FRMPD1: variants seen among roughly 807,000 people sequenced by gnomAD.
FRMPD1 encodes the protein FERM and PDZ domain containing 1, also known as FERM and PDZ domain-containing protein 1.
Under a neutral mutation model 117.8 loss-of-function variants are expected in FRMPD1, and 76 were observed. The ratio of observed to expected loss-of-function variants is 0.65; its 90% CI spans 0.54 to 0.78. The LOEUF is 0.78. FRMPD1 is among the 30% of genes least tolerant of loss of function. The pLI is 0.00. For missense variants in FRMPD1, 1,786 were observed against 1,964.5 expected (o/e 0.91, Z 1.72); for synonymous variants, 783 against 770.4 (o/e 1.02, Z -0.27).
intron 1 of FRMPD1, among the ~76,000 whole-genome samples, chr9:37,676,547 C>T (rs544425599): frequency 7.9e-5 from 12 of 152,168 alleles, no homozygotes; most frequent in Non-Finnish European, 1.8e-4. Flanking sequence ...TGGCTGCCAC[C>T]TCCTAACAGC....
intron 1 of FRMPD1, among the ~76,000 whole-genome samples, chr9:37,676,411 C>G (rs1024099064): frequency 3.9e-5 from 6 of 152,114 alleles, no homozygotes; most frequent in Admixed American, 1.3e-4. Flanking sequence ...CACTTCTCTA[C>G]TGAGGTTAGG....
At chr9:37,659,164 C>G (rs111747658) in intron 1 of FRMPD1, among the ~76,000 whole-genome samples, 34 of 152,322 alleles carry the variant, frequency 2.2e-4, no homozygotes, top group Admixed American at 7.8e-4. Context: ...CTACATCCAG[C>G]CAAGACTTGG....
In FRMPD1 at chr9:37,737,245, T is replaced by TGA. The variant is rs767040162; in HGVS notation, c.1549+4_1549+5dup. 4 of 1,613,986 alleles carry TGA rather than the reference T, an allele frequency of 2.5e-6. No individual in the cohort carries two copies. In the Admixed American group the frequency reaches 6.7e-5, roughly 27 times the overall value. On this transcript the variant is annotated splice_region_variant and intron_variant, in intron 14 of 15. Coordinates refer to ENST00000377765, the MANE Select transcript of FRMPD1 (RefSeq NM_014907.3). ...CGCACCGGGTATCTGCAGAAGAAGG[T>TGA]GAGGCACTGAGTCTTGCCCCAATAA...
Position 37,746,588 on chromosome 9 carries a change from A to C in FRMPD1, c.4556A>C (p.Glu1519Ala), listed in dbSNP as rs140778637. ...DCSRCSARHREAAGNLRDVVY... is the reference protein window; with the variant it reads ...DCSRCSARHRAAAGNLRDVVY... The stretch of plus-strand genomic sequence containing the variant: ...AGCCGCTGCTCCGCCCGGCACAGGG[A>C]GGCAGCGGGGAACCTGAGGGATGTG... The change falls in exon 16 of 16, where the codon GAG (glutamate) becomes GCG (alanine). Residue 1519 changes from glutamate (E) to alanine (A), a missense_variant. Coordinates refer to ENST00000377765, the MANE Select transcript of FRMPD1 (RefSeq NM_014907.3). 1.4e-3 allele frequency: 2,262 copies of C among 1,613,894 alleles called. 12 individuals carry two copies. Among genetic ancestry groups the C allele is most frequent in the African/African-American group, 6.0e-3 (449 of 75,058 alleles).
chr9:37,651,804 G>T (rs1343533159), intron 1 of FRMPD1, among the ~76,000 whole-genome samples: 1 of 152,240 alleles, frequency 6.6e-6, no homozygotes, highest in African/African-American at 2.4e-5. Context: ...ATAAAATAGG[G>T]TGGAAGTCGT....
chr9:37,745,502 T>C lies in FRMPD1; in HGVS notation c.3470T>C (p.Ile1157Thr), dbSNP rs1824658498. The C allele has an allele frequency of 2.5e-6, 4 of 1,613,958 alleles. No homozygotes were observed. Among genetic ancestry groups the C allele is most frequent in the East Asian group, 2.2e-5 (1 of 44,898 alleles). The change falls in exon 16 of 16, where the codon ATA becomes ACA. Residue 1157 changes from isoleucine to threonine, a missense_variant. Ile to Thr is a moderately conservative substitution (Grantham distance 89). Transcript: ENST00000377765. ...GATATTAGCTCTCCAGCTGGTAAAA[T>C]AGTAACCTCCCTTTCTTTAGATGCT... ...TLDISSPAGK[I>T]VTSLSLDAPV... is the part of the protein sequence containing the mutation.
the FRMPD1 span, among the ~76,000 whole-genome samples, chr9:37,633,031 A>ATTTT: frequency 6.9e-6 from 1 of 145,754 alleles, no homozygotes; most frequent in African/African-American, 2.5e-5. Flanking sequence ...ATATATATAT[A>ATTTT]TTTTTCTTTT....
At chr9:37,712,969 C>G (rs1203864848) in intron 5 of FRMPD1, among the ~76,000 whole-genome samples, 1 of 151,880 alleles carries the variant, frequency 6.6e-6, no homozygotes, top group Non-Finnish European at 1.5e-5. Context: ...GTGGAGGAAA[C>G]TAGACTATTA....
the FRMPD1 span, among the ~76,000 whole-genome samples, chr9:37,619,931 A>C: frequency 7.4e-5 from 11 of 148,932 alleles, no homozygotes; most frequent in Non-Finnish European, 1.6e-4. Context: ...AAAAAAAAAA[A>C]CCTGTATTCC....
chr9:37,686,363 G>C (rs1032273546), intron 1 of FRMPD1, among the ~76,000 whole-genome samples: 1 of 152,196 alleles, frequency 6.6e-6, no homozygotes. Context: ...CAATAAGATG[G>C]GTCCAACAGG....
the FRMPD1 span, among the ~76,000 whole-genome samples, chr9:37,628,361 A>G: frequency 6.6e-6 from 1 of 152,222 alleles, no homozygotes; most frequent in African/African-American, 2.4e-5. Context: ...GACTCAGGAC[A>G]AAAGAGAACT....
chr9:37,721,092 A>G (rs1347889776), intron 6 of FRMPD1, among the ~76,000 whole-genome samples: 1 of 152,180 alleles, frequency 6.6e-6, no homozygotes, highest in Non-Finnish European at 1.5e-5. Context: ...GATAAGAACA[A>G]CTTTCACCTG....
chr9:37,649,394 G>A (rs1820599064), upstream of FRMPD1, among the ~76,000 whole-genome samples: 1 of 152,092 alleles, frequency 6.6e-6, no homozygotes, highest in Non-Finnish European at 1.5e-5. Flanking sequence ...CTGTCTCCTG[G>A]GGCAGAACTT....
chr9:37,741,883 G>A (rs911950941), intron 15 of FRMPD1, among the ~76,000 whole-genome samples: 6 of 152,170 alleles, frequency 3.9e-5, no homozygotes, highest in Non-Finnish European at 7.3e-5. Flanking sequence ...ATCAGATTCC[G>A]GTTGGAATTC....
At chr9:37,626,517 A>T in the FRMPD1 span, among the ~76,000 whole-genome samples, 1 of 148,820 alleles carries the variant, frequency 6.7e-6, no homozygotes, top group Non-Finnish European at 1.5e-5. Flanking sequence ...AAAAAAAAAA[A>T]AAAATTAAAT....
intron 13 of FRMPD1, among the ~76,000 whole-genome samples, chr9:37,736,096 G>T (rs1824112016): frequency 6.6e-6 from 1 of 151,798 alleles, no homozygotes; most frequent in South Asian, 2.1e-4. Flanking sequence ...CGCCTCGTGG[G>T]TTCACACCAT....
Position 37,731,015 on chromosome 9 carries a change from G to A in FRMPD1, c.770G>A (p.Arg257His), listed in dbSNP as rs148192224. 5.9e-4 allele frequency: 944 copies of A among 1,613,390 alleles called. 4 individuals carry two copies. In the African/African-American group the frequency reaches 0.011, roughly 19 times the overall value. ...GAAAGGGAGGAGTCACATGACTACCGCTGCCTCTTCAGGGTCTGTTTTGTT... is the reference window on the plus strand; with the variant it reads ...GAAAGGGAGGAGTCACATGACTACCACTGCCTCTTCAGGGTCTGTTTTGTT... ...VVEREESHDYRCLFRVCFVPK... is the reference protein window; with the variant it reads ...VVEREESHDYHCLFRVCFVPK... Residue 257 changes from arginine to histidine, a missense_variant, in exon 9 of 16, where the codon CGC (arginine) becomes CAC (histidine). Arg to His is a conservative substitution (Grantham distance 29, BLOSUM62 0). Coordinates refer to ENST00000377765, the MANE Select transcript of FRMPD1 (RefSeq NM_014907.3).
intron 1 of FRMPD1, among the ~76,000 whole-genome samples, chr9:37,664,537 T>C (rs1821102648): frequency 6.6e-6 from 1 of 152,088 alleles, no homozygotes; most frequent in African/African-American, 2.4e-5. Context: ...GTTCTCATTG[T>C]TCAACTCCCA....
intron 1 of FRMPD1, among the ~76,000 whole-genome samples, chr9:37,671,959 C>T (rs1445994604): frequency 6.6e-6 from 1 of 152,134 alleles, no homozygotes; most frequent in Non-Finnish European, 1.5e-5. Context: ...GAGCAAGACT[C>T]CATCTCAAAA....
Sources: gnomAD v4.1 joint callset for allele counts (sites outside exome capture counted in the v4.1 genomes callset) on GRCh38, gnomAD v4.1.1 for gene constraint, MANE v1.5 for transcripts, NCBI Gene and HGNC (gene_info 2026-07-23, HGNC 2026-07-21) for gene names.